SH3RF3: variants seen among roughly 807,000 people sequenced by gnomAD.
SH3RF3 encodes the protein SH3 domain containing ring finger 3.
In SH3RF3, 29 loss-of-function variants were observed where a neutral mutation model predicts 66.3. The ratio of observed to expected loss-of-function variants is 0.44; its 90% CI spans 0.33 to 0.60. The LOEUF (loss-of-function observed/expected upper bound fraction) is 0.60, where lower values mean the gene tolerates loss of function less well. SH3RF3 is among the 20% of genes least tolerant of loss of function. The probability of loss-of-function intolerance (pLI) is 0.04; values close to 1 mark genes in which losing one functional copy is unlikely to be tolerated. For synonymous variants in SH3RF3, 583 were observed against 532.0 expected (o/e 1.10, Z -1.32); for missense variants, 1,194 against 1,190.9 (o/e 1.00, Z -0.04).
At chr2:109,372,605 G>A (rs1683297649) in intron 3 of SH3RF3, among the ~76,000 whole-genome samples, 1 of 152,234 alleles carries the variant, frequency 6.6e-6, no homozygotes, top group Non-Finnish European at 1.5e-5. Context: ...GGTGCAGAAA[G>A]GTAACGTAGC....
chr2:109,174,563 G>A (rs145132060), intron 1 of SH3RF3, among the ~76,000 whole-genome samples: 156 of 152,346 alleles, frequency 1.0e-3, no homozygotes, highest in African/African-American at 3.6e-3. Context: ...AACCCATGGT[G>A]TCTGGAATTC....
chr2:109,171,474 C>G (rs1308612645), intron 1 of SH3RF3, among the ~76,000 whole-genome samples: 1 of 152,246 alleles, frequency 6.6e-6, no homozygotes, highest in Admixed American at 6.5e-5. Context: ...CACGCTTGCC[C>G]CCCTACCCCG....
chr2:109,206,997 C>T (rs191672111), intron 1 of SH3RF3, among the ~76,000 whole-genome samples: 19 of 152,270 alleles, frequency 1.2e-4, no homozygotes, highest in Admixed American at 9.8e-4. Flanking sequence ...TTTGGCTGAG[C>T]GCTGCATTTG....
At chr2:109,145,899 C>T (rs1346007967) in intron 1 of SH3RF3, among the ~76,000 whole-genome samples, 3 of 152,122 alleles carry the variant, frequency 2.0e-5, no homozygotes, top group Admixed American at 6.5e-5. Flanking sequence ...TATGGGTGTG[C>T]GTGGAGCCCT....
intron 8 of SH3RF3, among the ~76,000 whole-genome samples, chr2:109,484,181 C>G (rs1413617092): frequency 6.6e-6 from 1 of 151,968 alleles, no homozygotes; most frequent in Admixed American, 6.5e-5. Flanking sequence ...ATTCTCCTGC[C>G]TCAGCCTCCC....
At chr2:109,436,797 A>C in intron 6 of SH3RF3, 96 bp from the exon 7 acceptor site, 1 of 1,487,028 alleles carries the variant, frequency 6.7e-7, no homozygotes, top group South Asian at 1.4e-5. Context: ...TTCATCTCTT[A>C]AAGCCAGCAG....
intron 1 of SH3RF3, among the ~76,000 whole-genome samples, chr2:109,243,560 A>G (rs1302455151): frequency 6.6e-6 from 1 of 152,218 alleles, no homozygotes; most frequent in East Asian, 1.9e-4. Context: ...ATGGGAACCT[A>G]TAATGGAGAA....
At chr2:109,410,104 C>A (rs965202789) in intron 4 of SH3RF3, among the ~76,000 whole-genome samples, 17 of 152,186 alleles carry the variant, frequency 1.1e-4, no homozygotes, top group African/African-American at 3.6e-4. Context: ...TGCTTAGGGG[C>A]CCCATTAAAA....
intron 1 of SH3RF3, among the ~76,000 whole-genome samples, chr2:109,195,483 TA>T (rs1678474054): frequency 2.0e-5 from 3 of 152,228 alleles, no homozygotes; most frequent in African/African-American, 7.2e-5. Context: ...CCTTGCCACA[TA>T]AAGAGCTGTA....
chr2:109,225,490 G>A (rs1679353657), intron 1 of SH3RF3, among the ~76,000 whole-genome samples: 1 of 152,240 alleles, frequency 6.6e-6, no homozygotes, highest in African/African-American at 2.4e-5. Flanking sequence ...TGGGGACTGG[G>A]TGGGCTGACC....
intron 3 of SH3RF3, among the ~76,000 whole-genome samples, chr2:109,387,901 C>T (rs1319754328): frequency 6.6e-6 from 1 of 152,086 alleles, no homozygotes; most frequent in Non-Finnish European, 1.5e-5. Context: ...CCGCACACGG[C>T]CCTTCCTGAC....
intron 1 of SH3RF3, among the ~76,000 whole-genome samples, chr2:109,244,300 A>C (rs767512057): frequency 2.6e-5 from 4 of 152,204 alleles, no homozygotes; most frequent in African/African-American, 9.7e-5. Context: ...TCTTCAGGCA[A>C]ATGTGCACAT....
intron 2 of SH3RF3, among the ~76,000 whole-genome samples, chr2:109,365,487 G>A (rs536329908): frequency 2.5e-4 from 38 of 152,324 alleles, no homozygotes; most frequent in African/African-American, 8.7e-4. Context: ...GATCTAAGAA[G>A]AGGAGTTGCT....
At chr2:109,403,220 C>T (rs753097824) in intron 4 of SH3RF3, among the ~76,000 whole-genome samples, 15 of 152,228 alleles carry the variant, frequency 9.9e-5, no homozygotes, top group Admixed American at 6.5e-4. Flanking sequence ...CTGAGAGCCG[C>T]GCACTGTCCG....
At chr2:109,466,614 T>C (rs1426261359) in intron 8 of SH3RF3, among the ~76,000 whole-genome samples, 2 of 150,978 alleles carry the variant, frequency 1.3e-5, no homozygotes, top group African/African-American at 5.0e-5. Context: ...ATTTCATGAT[T>C]GTGTCTTTGG....
intron 1 of SH3RF3, among the ~76,000 whole-genome samples, chr2:109,290,983 G>A (rs1681154706): frequency 6.6e-6 from 1 of 152,352 alleles, no homozygotes; most frequent in East Asian, 1.9e-4. Flanking sequence ...CATAGTAGGT[G>A]CACATTAAAT....
intron 7 of SH3RF3, among the ~76,000 whole-genome samples, chr2:109,444,153 A>G (rs1677645164): frequency 6.6e-6 from 1 of 152,252 alleles, no homozygotes; most frequent in African/African-American, 2.4e-5. Context: ...AAAATAACCC[A>G]TATATTAAAG....
intron 8 of SH3RF3, among the ~76,000 whole-genome samples, chr2:109,479,933 G>A (rs546942609): frequency 1.1e-4 from 17 of 152,192 alleles, no homozygotes; most frequent in Admixed American, 1.1e-3. Context: ...GCCCAGCCCG[G>A]TTTTGCTGAC....
intron 1 of SH3RF3, among the ~76,000 whole-genome samples, chr2:109,166,963 A>G (rs1193728773): frequency 6.6e-6 from 1 of 152,204 alleles, no homozygotes; most frequent in East Asian, 1.9e-4. Flanking sequence ...TTCTTGTAAA[A>G]GGGCCATCCC....
Sources: allele counts gnomAD v4.1 joint callset (sites outside exome capture counted in the v4.1 genomes callset), GRCh38; gene constraint gnomAD v4.1.1; transcripts MANE v1.5; gene names NCBI Gene and HGNC (gene_info 2026-07-23, HGNC 2026-07-21).